RBFOX1: variants seen among roughly 807,000 people sequenced by gnomAD.
The protein encoded by RBFOX1 is RNA binding fox-1 homolog 1, also known as RNA binding protein fox-1 homolog 1.
In RBFOX1, 8 loss-of-function variants were observed where a neutral mutation model predicts 57.7. The observed-to-expected ratio is 0.14, with a 90% CI of 0.08 to 0.25. RBFOX1 has a LOEUF of 0.25. Among genes scored for constraint, RBFOX1 ranks in the 10% least tolerant of loss-of-function variants. The pLI, the probability that RBFOX1 is intolerant of heterozygous loss-of-function variation, is 1.00. For missense variants in RBFOX1, 611 were observed against 548.5 expected (o/e 1.11, Z -1.14); for synonymous variants, 326 against 222.4 (o/e 1.47, Z -4.15).
intron 3 of RBFOX1, among the ~76,000 whole-genome samples, chr16:5,770,821 A>G (rs1249521659): frequency 2.0e-5 from 3 of 152,224 alleles, no homozygotes; most frequent in African/African-American, 7.2e-5. Flanking sequence ...TTAGAACTCT[A>G]TGCCAAGCCC....
chr16:7,432,288 G>T (rs191110403), intron 4 of RBFOX1, among the ~76,000 whole-genome samples: 38 of 152,300 alleles, frequency 2.5e-4, no homozygotes, highest in African/African-American at 8.2e-4. Context: ...AGTGAACTTT[G>T]GGATTTTGGT....
chr16:6,609,931 C>T (rs1330852622), intron 2 of RBFOX1, among the ~76,000 whole-genome samples: 1 of 152,006 alleles, frequency 6.6e-6, no homozygotes, highest in East Asian at 1.9e-4. Context: ...TTGCTTGAAC[C>T]CAGGAGGTGG....
intron 3 of RBFOX1, among the ~76,000 whole-genome samples, chr16:7,038,025 A>G (rs1397121459): frequency 6.6e-6 from 1 of 152,234 alleles, no homozygotes; most frequent in Non-Finnish European, 1.5e-5. Context: ...AAATGTCTTG[A>G]GAACATATAT....
At chr16:5,895,175 T>C (rs1350695802) in intron 4 of RBFOX1, among the ~76,000 whole-genome samples, 1 of 152,256 alleles carries the variant, frequency 6.6e-6, no homozygotes, top group East Asian at 1.9e-4. Flanking sequence ...CAACATTTCA[T>C]GCCCTTGCCT....
At chr16:6,721,873 C>G (rs981658966) in intron 3 of RBFOX1, 8 of 151,032 alleles carry the variant, frequency 5.3e-5, no homozygotes, top group African/African-American at 2.0e-4. Flanking sequence ...CCCCCACCAG[C>G]CCACATTATC....
At chr16:7,083,505 G>A (rs2059514813) in intron 4 of RBFOX1, among the ~76,000 whole-genome samples, 1 of 152,026 alleles carries the variant, frequency 6.6e-6, no homozygotes. Context: ...TGTATCAGAG[G>A]CCATGAAGTA....
Position 7,000,446 on chromosome 16 carries a change from T to C in RBFOX1, c.-15-51611T>C, listed in dbSNP as rs1487813355. On this transcript the variant is annotated intron_variant, in intron 3 of 15. Coordinates refer to ENST00000550418, the MANE Select transcript of RBFOX1 (RefSeq NM_018723.4). ...TCATTTTTATGCAACAGTCTCTACA[T>C]AGTCTGGTTTTGCTAATTGCATTCT... is the stretch of plus-strand genomic sequence containing the variant. Among the ~76,000 whole-genome samples, 3 of 152,142 alleles carry C rather than the reference T, an allele frequency of 2.0e-5. No homozygotes were observed. The East Asian group carries it at 5.8e-4, about 29-fold the overall frequency.
At chr16:6,652,624 A>T (rs554409403) in intron 2 of RBFOX1, among the ~76,000 whole-genome samples, 1 of 152,248 alleles carries the variant, frequency 6.6e-6, no homozygotes, top group East Asian at 1.9e-4. Flanking sequence ...ACTCTAAGAA[A>T]ATAAACTTCA....
chr16:5,781,572 T>C (rs1057008503), intron 3 of RBFOX1, among the ~76,000 whole-genome samples: 1 of 152,222 alleles, frequency 6.6e-6, no homozygotes, highest in Admixed American at 6.5e-5. Context: ...TTGGGCTTCA[T>C]TGGCCATACG....
chr16:6,847,535 G>A (rs1434625697), intron 3 of RBFOX1, among the ~76,000 whole-genome samples: 2 of 152,086 alleles, frequency 1.3e-5, no homozygotes, highest in African/African-American at 4.8e-5. Context: ...CGCAACTGAT[G>A]GCACAGTCAA....
intron 3 of RBFOX1, among the ~76,000 whole-genome samples, chr16:6,862,105 A>G (rs146893036): frequency 6.6e-6 from 1 of 152,228 alleles, no homozygotes; most frequent in Non-Finnish European, 1.5e-5. Flanking sequence ...TGTGAGGGAT[A>G]CTTGGAAAGG....
At chr16:5,884,151 C>G (rs1045196247) in intron 4 of RBFOX1, among the ~76,000 whole-genome samples, 1 of 152,152 alleles carries the variant, frequency 6.6e-6, no homozygotes, top group Non-Finnish European at 1.5e-5. Context: ...GTCACAGTGC[C>G]TGGCAAATAG....
intron 14 of RBFOX1, among the ~76,000 whole-genome samples, chr16:7,687,929 A>C (rs988488716): frequency 6.6e-6 from 1 of 152,014 alleles, no homozygotes; most frequent in Non-Finnish European, 1.5e-5. Flanking sequence ...ATATCTGTAC[A>C]TGGGAACCAC....
intron 3 of RBFOX1, among the ~76,000 whole-genome samples, chr16:5,666,403 T>C (rs915211594): frequency 6.6e-6 from 1 of 152,182 alleles, no homozygotes; most frequent in Non-Finnish European, 1.5e-5. Flanking sequence ...CGTGCTCCTT[T>C]TATTCCCATG....
intron 3 of RBFOX1, among the ~76,000 whole-genome samples, chr16:6,925,288 C>T (rs2075357241): frequency 6.6e-6 from 1 of 150,740 alleles, no homozygotes; most frequent in Non-Finnish European, 1.5e-5. Context: ...TGCAAATCAC[C>T]ATGCCCATTT....
In RBFOX1 at chr16:6,806,121, TA is replaced by T. The variant is rs144601398; in HGVS notation, c.-16+151472del. Among the ~76,000 whole-genome samples, 399 of 152,296 alleles carry T rather than the reference TA, an allele frequency of 2.6e-3. 3 individuals are homozygous for T. The highest frequency in any genetic ancestry group is 9.4e-3 in the African/African-American group (389 of 41,560). On this transcript the variant is annotated intron_variant, in intron 3 of 15. Coordinates refer to ENST00000550418, the MANE Select transcript of RBFOX1 (RefSeq NM_018723.4). ...TCATCCAAGAACCAGTTTGAATATT[TA>T]GATGATTTAGAGTGGAATTAGTTAG...
chr16:5,524,377 C>A (rs750188188), intron 2 of RBFOX1, among the ~76,000 whole-genome samples: 12 of 152,108 alleles, frequency 7.9e-5, no homozygotes, highest in African/African-American at 2.9e-4. Flanking sequence ...TATTAAAATT[C>A]TTTTGGGAGG....
At chr16:5,741,420 C>G (rs529335286) in intron 3 of RBFOX1, among the ~76,000 whole-genome samples, 14 of 152,278 alleles carry the variant, frequency 9.2e-5, no homozygotes, top group African/African-American at 3.4e-4. Flanking sequence ...TAAATGTCCT[C>G]ATTAAAGTGG....
At chr16:7,055,442 C>T (rs911482336) in intron 4 of RBFOX1, among the ~76,000 whole-genome samples, 1 of 152,070 alleles carries the variant, frequency 6.6e-6, no homozygotes, top group Admixed American at 6.6e-5. Flanking sequence ...GTTTGCAATC[C>T]CTGTGCTTCC....
Sources: gnomAD v4.1 joint callset for allele counts (sites outside exome capture counted in the v4.1 genomes callset) on GRCh38, gnomAD v4.1.1 for gene constraint, MANE v1.5 for transcripts, NCBI Gene and HGNC (gene_info 2026-07-23, HGNC 2026-07-21) for gene names.